The following PKP1 variants were observed in gnomAD, a reference collection of about 807,000 sequenced individuals.
PKP1 encodes plakophilin 1, also known as plakophilin-1.
A neutral mutation model predicts 76.4 loss-of-function variants in PKP1; 27 were observed. That is an observed-to-expected ratio of 0.35 (90% CI 0.26 to 0.49). The LOEUF is 0.49. PKP1 is among the 20% of genes least tolerant of loss of function. The pLI, the probability that PKP1 is intolerant of heterozygous loss-of-function variation, is 0.99. For missense variants in PKP1, 964 were observed against 955.2 expected (o/e 1.01, Z -0.12); for synonymous variants, 404 against 384.2 (o/e 1.05, Z -0.60).
intron 1 of PKP1, among the ~76,000 whole-genome samples, chr1:201,289,100 G>C (rs1202983022): frequency 6.6e-6 from 1 of 152,182 alleles, no homozygotes; most frequent in Non-Finnish European, 1.5e-5. Context: ...GCCCAGCAGA[G>C]GGGGCAGGAG....
At chr1:201,290,463 T>G (rs1448000386) in intron 1 of PKP1, among the ~76,000 whole-genome samples, 1 of 151,758 alleles carries the variant, frequency 6.6e-6, no homozygotes, top group Non-Finnish European at 1.5e-5. Context: ...TTCTGTGGGG[T>G]GAGCTGGGAA....
At chr1:201,310,780 G>A (rs1232835239) in intron 2 of PKP1, among the ~76,000 whole-genome samples, 9 of 152,228 alleles carry the variant, frequency 5.9e-5, no homozygotes, top group Non-Finnish European at 8.8e-5. Flanking sequence ...AATGGGTGAC[G>A]CCACTAGGGT....
chr1:201,292,904 C>T (rs549562641), intron 1 of PKP1, among the ~76,000 whole-genome samples: 114 of 152,310 alleles, frequency 7.5e-4, no homozygotes, highest in African/African-American at 2.6e-3. Flanking sequence ...GGACGCAGGG[C>T]AGAATGAGAC....
intron 1 of PKP1, among the ~76,000 whole-genome samples, chr1:201,290,402 AT>A (rs143369687): frequency 0.011 from 1,720 of 151,996 alleles, 30 homozygotes; most frequent in African/African-American, 0.039. Flanking sequence ...GCATGCACCC[AT>A]ATGGGGAGAA....
At chr1:201,326,640 G>A (rs1657135782) in intron 12 of PKP1, among the ~76,000 whole-genome samples, 1 of 152,204 alleles carries the variant, frequency 6.6e-6, no homozygotes, top group African/African-American at 2.4e-5. Flanking sequence ...GGAGTAAGAG[G>A]GGTCCCAATT....
intron 2 of PKP1, 124 bp from the exon 3 acceptor site, chr1:201,313,042 C>G (rs2102172956): frequency 9.5e-7 from 1 of 1,057,104 alleles, no homozygotes; most frequent in Admixed American, 2.1e-5. Context: ...CCTTCCACGC[C>G]AAACATTCTG....
chr1:201,309,674 A>G (rs1656476909), intron 2 of PKP1, among the ~76,000 whole-genome samples: 1 of 152,184 alleles, frequency 6.6e-6, no homozygotes, highest in South Asian at 2.1e-4. Context: ...AAGCTCTCCC[A>G]CCTGCAGCGG....
chr1:201,306,714 A>C (rs1332810558), intron 2 of PKP1, among the ~76,000 whole-genome samples: 7 of 150,928 alleles, frequency 4.6e-5, no homozygotes, highest in Non-Finnish European at 1.0e-4. Context: ...TCGCTCTCTC[A>C]CCCAGGCTGG....
chr1:201,311,290 A>C lies in PKP1; in HGVS notation c.307-1876A>C, dbSNP rs560426722. 5.3e-5 allele frequency among the ~76,000 whole-genome samples: 8 copies of C among 152,250 alleles called. No homozygotes were observed. In the East Asian group the frequency reaches 1.4e-3, roughly 26 times the overall value. ...GCATTCCATACCCAGATGCTCAGAA[A>C]ATTGCCCAGCTGCTCTCCCCATGCC... On this transcript the variant is annotated intron_variant, in intron 2 of 13. Transcript: ENST00000367324.
intron 2 of PKP1, among the ~76,000 whole-genome samples, chr1:201,304,562 A>T (rs932291933): frequency 5.9e-5 from 9 of 152,128 alleles, no homozygotes; most frequent in Non-Finnish European, 1.2e-4. Context: ...GCAACTACAC[A>T]CTTCTTAAAT....
At chr1:201,302,916 G>A (rs1189100810) in intron 2 of PKP1, among the ~76,000 whole-genome samples, 2 of 152,218 alleles carry the variant, frequency 1.3e-5, no homozygotes, top group South Asian at 2.1e-4. Context: ...CTGTGGTTGG[G>A]GAAACTGAGG....
At chr1:201,296,336 T>C (rs749962895) in intron 2 of PKP1, among the ~76,000 whole-genome samples, 3 of 152,146 alleles carry the variant, frequency 2.0e-5, no homozygotes, top group African/African-American at 4.8e-5. Flanking sequence ...TAGAGATCTG[T>C]GGCATGAGAT....
intron 2 of PKP1, among the ~76,000 whole-genome samples, chr1:201,312,737 G>A (rs576704382): frequency 6.6e-6 from 1 of 152,266 alleles, no homozygotes; most frequent in Non-Finnish European, 1.5e-5. Context: ...TGATACTGGT[G>A]CATACACCTT....
chr1:201,325,576 T>C (rs776513428), intron 11 of PKP1, among the ~76,000 whole-genome samples, 178 bp from the exon 12 acceptor site: 1 of 151,906 alleles, frequency 6.6e-6, no homozygotes, highest in Non-Finnish European at 1.5e-5. Flanking sequence ...TTGTGCCCAC[T>C]GGGTAGGGTG....
intron 1 of PKP1, among the ~76,000 whole-genome samples, chr1:201,290,900 G>T (rs988498018): frequency 7.2e-5 from 11 of 152,172 alleles, no homozygotes; most frequent in African/African-American, 2.7e-4. Flanking sequence ...AGAGACATCG[G>T]GGACCAAGTG....
rs138390825 is a variant in PKP1, at chr1:201,318,308, C to A, written c.1055-310C>A. 3.3e-5 allele frequency among the ~76,000 whole-genome samples: 5 copies of A among 152,308 alleles called. No individual in the cohort carries two copies. In the East Asian group the frequency reaches 9.6e-4, roughly 29 times the overall value. ...GGAAAAGAGACAGCGTTAGAAGACT[C>A]CAAGTGCTAAAATTTATACTAAAAA... On this transcript the variant is annotated intron_variant, in intron 5 of 13. Transcript: ENST00000367324.
At chr1:201,325,973 C>A in intron 12 of PKP1, 135 bp downstream of exon 12, 1 of 692,286 alleles carries the variant, frequency 1.4e-6, no homozygotes, top group Non-Finnish European at 2.7e-6. Context: ...ACAAAGACAG[C>A]GTCTACGTGA....
At chr1:201,315,417 G>T (rs1656693311) in intron 3 of PKP1, among the ~76,000 whole-genome samples, 2 of 152,194 alleles carry the variant, frequency 1.3e-5, no homozygotes, top group African/African-American at 4.8e-5. Context: ...TAAGGATAGG[G>T]CTCCCTCTTT....
At chr1:201,304,232 C>T (rs566846791) in intron 2 of PKP1, among the ~76,000 whole-genome samples, 37 of 152,190 alleles carry the variant, frequency 2.4e-4, no homozygotes, top group South Asian at 4.1e-4. Context: ...TTCCTGGCCA[C>T]GCCAGAAGCT....
Sources: gnomAD v4.1 joint callset for allele counts (sites outside exome capture counted in the v4.1 genomes callset) on GRCh38, gnomAD v4.1.1 for gene constraint, MANE v1.5 for transcripts, NCBI Gene and HGNC (gene_info 2026-07-23, HGNC 2026-07-21) for gene names.